The following PALM2AKAP2 variants were observed in gnomAD, a reference collection of about 807,000 sequenced individuals.
PALM2AKAP2 encodes the protein PALM2-AKAP2 fusion protein.
PALM2AKAP2 carries 37 observed loss-of-function variants against 71.5 expected under a neutral mutation model. The observed-to-expected ratio is 0.52, with a 90% CI of 0.40 to 0.68. The LOEUF (loss-of-function observed/expected upper bound fraction) is 0.68. Ranked by LOEUF, PALM2AKAP2 falls within the 30% of genes least tolerant of loss-of-function variation. The pLI is 0.00. For missense variants in PALM2AKAP2, 1,224 were observed against 1,191.8 expected, an observed-to-expected ratio of 1.03 and a Z score of -0.40; for synonymous variants, 468 against 478.8, an observed-to-expected ratio of 0.98 and a Z score of 0.29.
chr9:109,928,374 C>A (rs1451937735), intron 5 of PALM2AKAP2, among the ~76,000 whole-genome samples: 2 of 152,210 alleles, frequency 1.3e-5, no homozygotes, highest in African/African-American at 2.4e-5. Context: ...AACTAAGAAG[C>A]AGCACTCATC....
intron 2 of PALM2AKAP2, among the ~76,000 whole-genome samples, chr9:109,872,567 C>T (rs1829628382): frequency 6.6e-6 from 1 of 152,212 alleles, no homozygotes; most frequent in Admixed American, 6.5e-5. Flanking sequence ...GGGGAACCCT[C>T]ACTAGAGTTT....
intron 1 of PALM2AKAP2, among the ~76,000 whole-genome samples, chr9:109,678,038 AG>A (rs1023038374): frequency 5.9e-5 from 9 of 152,184 alleles, no homozygotes; most frequent in African/African-American, 1.9e-4. Flanking sequence ...CTGAGCAAGG[AG>A]GGGGGAAAAC....
intron 1 of PALM2AKAP2, among the ~76,000 whole-genome samples, chr9:109,731,936 G>A (rs949671046): frequency 6.6e-6 from 1 of 152,150 alleles, no homozygotes; most frequent in African/African-American, 2.4e-5. Context: ...TCCAGCCACA[G>A]AGCTGGATGG....
At chr9:109,814,250 G>T (rs1827797067) in intron 1 of PALM2AKAP2, among the ~76,000 whole-genome samples, 1 of 152,144 alleles carries the variant, frequency 6.6e-6, no homozygotes, top group South Asian at 2.1e-4. Flanking sequence ...CTATTGCAGG[G>T]CTATACTTTC....
At chr9:109,899,896 G>C (rs575531713) in intron 3 of PALM2AKAP2, among the ~76,000 whole-genome samples, 4 of 152,300 alleles carry the variant, frequency 2.6e-5, no homozygotes, top group Admixed American at 2.6e-4. Flanking sequence ...TTACCTTAGA[G>C]CTTACTGTGT....
intron 1 of PALM2AKAP2, among the ~76,000 whole-genome samples, chr9:109,736,434 A>G (rs1039937484): frequency 2.0e-5 from 3 of 152,126 alleles, no homozygotes; most frequent in Admixed American, 6.5e-5. Flanking sequence ...AATTCAGACC[A>G]CCACTCAGTC....
intron 1 of PALM2AKAP2, among the ~76,000 whole-genome samples, chr9:109,784,123 G>C (rs539353487): frequency 6.6e-6 from 1 of 152,330 alleles, no homozygotes; most frequent in South Asian, 2.1e-4. Flanking sequence ...ATGGTAAAAA[G>C]CCTCTGAAAC....
chr9:109,736,489 T>C (rs563679474), intron 1 of PALM2AKAP2, among the ~76,000 whole-genome samples: 11 of 152,338 alleles, frequency 7.2e-5, no homozygotes, highest in East Asian at 5.8e-4. Context: ...TTATTCTTTC[T>C]TTAGTTTTAG....
chr9:109,748,334 A>G (rs896176743), intron 1 of PALM2AKAP2, among the ~76,000 whole-genome samples: 3 of 152,118 alleles, frequency 2.0e-5, no homozygotes, highest in Non-Finnish European at 4.4e-5. Flanking sequence ...CCAGTTTCTC[A>G]TTCCCAAAAG....
At chr9:109,764,600 T>A (rs1404939482) in intron 1 of PALM2AKAP2, among the ~76,000 whole-genome samples, 1 of 152,202 alleles carries the variant, frequency 6.6e-6, no homozygotes, top group Non-Finnish European at 1.5e-5. Context: ...TATCAACTGA[T>A]TCCCAAAGAT....
intron 3 of PALM2AKAP2, among the ~76,000 whole-genome samples, chr9:109,915,299 A>G (rs2131912123): frequency 6.6e-6 from 1 of 152,314 alleles, no homozygotes; most frequent in East Asian, 1.9e-4. Flanking sequence ...GAAGGTGTGA[A>G]ATAATCGTTG....
chr9:109,841,523 A>T (rs1828676342), intron 1 of PALM2AKAP2, among the ~76,000 whole-genome samples: 1 of 101,278 alleles, frequency 9.9e-6, no homozygotes, highest in Non-Finnish European at 1.9e-5. Context: ...AATAAAAAAA[A>T]AAAAGAAAAA....
At chr9:109,828,754 T>G (rs1241154141) in intron 1 of PALM2AKAP2, among the ~76,000 whole-genome samples, 5 of 152,244 alleles carry the variant, frequency 3.3e-5, no homozygotes, top group Admixed American at 3.3e-4. Flanking sequence ...GTTGTGACAC[T>G]GACATGAATA....
intron 1 of PALM2AKAP2, among the ~76,000 whole-genome samples, chr9:109,706,141 A>G (rs1229097824): frequency 2.6e-5 from 4 of 152,244 alleles, no homozygotes; most frequent in Admixed American, 2.6e-4. Context: ...TTCAAAAAAC[A>G]TGCCTGGAAA....
At chr9:109,830,454 G>T (rs1828266936) in intron 1 of PALM2AKAP2, among the ~76,000 whole-genome samples, 1 of 152,120 alleles carries the variant, frequency 6.6e-6, no homozygotes, top group African/African-American at 2.4e-5. Flanking sequence ...ACACATGTAG[G>T]CCTAGGCTCT....
At chr9:109,841,518 A>T (rs1208244776) in intron 1 of PALM2AKAP2, among the ~76,000 whole-genome samples, 1 of 103,204 alleles carries the variant, frequency 9.7e-6, no homozygotes, top group Non-Finnish European at 1.9e-5. Flanking sequence ...AGTATAATAA[A>T]AAAAAAAAAG....
chr9:110,052,866 C>T (rs1423967721), intron 1 of PALM2AKAP2, among the ~76,000 whole-genome samples: 2 of 152,192 alleles, frequency 1.3e-5, no homozygotes, highest in Non-Finnish European at 2.9e-5. Context: ...AATTGTGGAA[C>T]TCCTGCAGGG....
chr9:110,157,712 T>C (rs1413123012), intron 3 of PALM2AKAP2, among the ~76,000 whole-genome samples: 1 of 152,206 alleles, frequency 6.6e-6, no homozygotes, highest in Non-Finnish European at 1.5e-5. Context: ...CCTTTCACTC[T>C]TGAAAGTGTC....
chr9:110,170,109 C>G (rs925585239), exon 4 of PALM2AKAP2: 8 of 152,296 alleles, frequency 5.3e-5, no homozygotes, highest in African/African-American at 1.9e-4. Context: ...AGGATGCCAG[C>G]TTTAATCTTT....
Sources: gnomAD v4.1 joint callset for allele counts (sites outside exome capture counted in the v4.1 genomes callset) on GRCh38, gnomAD v4.1.1 for gene constraint, MANE v1.5 for transcripts, NCBI Gene and HGNC (gene_info 2026-07-23, HGNC 2026-07-21) for gene names.